Variants in DLG5 observed in about 807,000 individuals in gnomAD.
The protein encoded by DLG5 is disks large homolog 5.
A neutral mutation model predicts 189.8 loss-of-function variants in DLG5; 48 were observed. That is an observed-to-expected ratio of 0.25 (90% confidence interval 0.20 to 0.32). The LOEUF is 0.32. DLG5 is among the 10% of genes least tolerant of loss of function. DLG5 has a pLI of 1.00. For missense variants in DLG5, 2,160 were observed against 2,544.7 expected (o/e 0.85, Z 3.25); for synonymous variants, 1,016 against 1,054.1 (o/e 0.96, Z 0.70).
At chr10:77,858,906 G>A (rs1261662521) in intron 2 of DLG5, among the ~76,000 whole-genome samples, 2 of 151,984 alleles carry the variant, frequency 1.3e-5, no homozygotes, top group Non-Finnish European at 2.9e-5. Context: ...ACAGGGTCTT[G>A]TTGTCACCCA....
intron 20 of DLG5, chr10:77,816,130 G>A (rs769253701): frequency 1.9e-5 from 9 of 483,118 alleles, no homozygotes; most frequent in Non-Finnish European, 3.3e-5. Context: ...CACTAACCAC[G>A]TGGCCACAGG....
At chr10:77,888,770 T>C (rs1328334729) in intron 1 of DLG5, among the ~76,000 whole-genome samples, 1 of 152,220 alleles carries the variant, frequency 6.6e-6, no homozygotes, top group Non-Finnish European at 1.5e-5. Flanking sequence ...CCTCTCAAGC[T>C]TTATGCATTA....
intron 1 of DLG5, among the ~76,000 whole-genome samples, chr10:77,899,143 A>G (rs1369528890): frequency 6.6e-6 from 1 of 152,194 alleles, no homozygotes; most frequent in East Asian, 1.9e-4. Flanking sequence ...CATGTAACCT[A>G]TCTCCCTAGT....
chr10:77,840,524 C>T (rs1358348511), intron 7 of DLG5, among the ~76,000 whole-genome samples: 2 of 152,176 alleles, frequency 1.3e-5, no homozygotes, highest in African/African-American at 4.8e-5. Flanking sequence ...TCGAGACCAG[C>T]CTGGCCAACA....
At chr10:77,866,779 C>G (rs1156450076) in intron 2 of DLG5, 3 of 358,676 alleles carry the variant, frequency 8.4e-6, no homozygotes, top group African/African-American at 6.4e-5. Flanking sequence ...ACTGGCTGAC[C>G]TCAGCACAGC....
Position 77,806,787 on chromosome 10 carries a change from G to C in DLG5, c.4938C>G (p.Ile1646Met), listed in dbSNP as rs774256365. ...AWQLDENAQK[I>M]QRGQIPSKYV... Reference sequence around the variant, plus strand: ...ATTTGCTGGGAATCTGCCCGCGCTGGATCTTCTGGGCATTCTCGTCCAGCT... The same window carrying C: ...ATTTGCTGGGAATCTGCCCGCGCTGCATCTTCTGGGCATTCTCGTCCAGCT... The change falls in exon 26 of 32, where the codon ATC becomes ATG. Residue 1646 changes from isoleucine to methionine, a missense_variant. Around this residue, in one of 5 missense-constraint regions of DLG5, gnomAD observed 574 missense variants for 644.2 expected, o/e 0.89. Coordinates refer to ENST00000372391, the MANE Select transcript of DLG5 (RefSeq NM_004747.4). 6 of 1,613,550 alleles carry C rather than the reference G, an allele frequency of 3.7e-6. No individual in the cohort carries two copies. Among genetic ancestry groups the C allele is most frequent in the Middle Eastern group, 3.3e-4 (2 of 6,060 alleles).
chr10:77,823,530 CTTTTTTT>C (rs55870292), intron 14 of DLG5, among the ~76,000 whole-genome samples: 2 of 135,272 alleles, frequency 1.5e-5, no homozygotes, highest in Non-Finnish European at 1.6e-5. Flanking sequence ...ACTTCCCTTC[CTTTTTTT>C]TTTTTTTTTT....
At chr10:77,862,366 C>T (rs1251383481) in intron 2 of DLG5, among the ~76,000 whole-genome samples, 5 of 152,224 alleles carry the variant, frequency 3.3e-5, no homozygotes, top group Admixed American at 6.5e-5. Context: ...TGCAATAGAC[C>T]TGCAAGCATT....
chr10:77,813,791 T>C (rs1267304968), intron 20 of DLG5, among the ~76,000 whole-genome samples: 1 of 152,164 alleles, frequency 6.6e-6, no homozygotes, highest in Non-Finnish European at 1.5e-5. Context: ...CAGGTTCCAG[T>C]GACATGCAAA....
chr10:77,917,347 A>AAAAC (rs879667637), intron 1 of DLG5, among the ~76,000 whole-genome samples: 3 of 152,026 alleles, frequency 2.0e-5, no homozygotes, highest in Non-Finnish European at 2.9e-5. Flanking sequence ...ATCTCAAAAA[A>AAAAC]AAACAAACAA....
chr10:77,933,009 C>A, the DLG5 span, among the ~76,000 whole-genome samples: 1 of 152,184 alleles, frequency 6.6e-6, no homozygotes, highest in Non-Finnish European at 1.5e-5. Flanking sequence ...ACTGATGGCA[C>A]CAAGGCAAAT....
At chr10:77,842,328 A>C in intron 6 of DLG5, 135 bp from the exon 7 acceptor site, 2 of 1,075,684 alleles carry the variant, frequency 1.9e-6, no homozygotes, top group Non-Finnish European at 2.6e-6. Context: ...CACTCTCTCC[A>C]CCCCCAGGAG....
chr10:77,846,177 G>A (rs1035138286), intron 5 of DLG5, among the ~76,000 whole-genome samples: 8 of 151,924 alleles, frequency 5.3e-5, no homozygotes, highest in East Asian at 1.9e-4. Flanking sequence ...CCCAGGATGC[G>A]GAGGTGGCAG....
At position 77,926,201 on chromosome 10, in the gene DLG5, A is replaced by G. The variant is rs754233195; in HGVS notation, c.304+16T>C. 9 of 1,440,362 alleles carry G rather than the reference A, an allele frequency of 6.2e-6. No homozygotes were observed. Among genetic ancestry groups the G allele is most frequent in the Non-Finnish European group, 8.3e-6 (9 of 1,086,560 alleles). The allele number at this position is 1,440,362 out of a possible 1,614,324, so 89.2% of individuals were successfully genotyped here. ...GGGCGCGTCCCAGAGGCGGGGGCCAAGGGTCTGCCACTCACCCGCGCCTTC... is the reference window on the plus strand; with the variant it reads ...GGGCGCGTCCCAGAGGCGGGGGCCAGGGGTCTGCCACTCACCCGCGCCTTC... On this transcript the variant is annotated intron_variant, in intron 1 of 31. Transcript: ENST00000372391. The surrounding 1 kb of genome is among the most constrained non-coding windows in gnomAD (Gnocchi z 5.2).
intron 1 of DLG5, among the ~76,000 whole-genome samples, chr10:77,897,358 A>AAAAT (rs566516489): frequency 0.02 from 3,093 of 151,646 alleles, 86 homozygotes; most frequent in African/African-American, 0.061. Flanking sequence ...TCCATCTCCA[A>AAAAT]AAATAAATAA....
At chr10:77,814,627 T>C (rs1016552883) in intron 20 of DLG5, among the ~76,000 whole-genome samples, 1 of 151,686 alleles carries the variant, frequency 6.6e-6, no homozygotes, top group African/African-American at 2.4e-5. Flanking sequence ...CAGGCTGGAG[T>C]GCAGTGGCGC....
At chr10:77,913,183 A>C (rs913819010) in intron 1 of DLG5, among the ~76,000 whole-genome samples, 1 of 152,196 alleles carries the variant, frequency 6.6e-6, no homozygotes, top group Non-Finnish European at 1.5e-5. Flanking sequence ...ACCATGGCTA[A>C]ACAGTTTCAG....
intron 1 of DLG5, among the ~76,000 whole-genome samples, chr10:77,919,519 C>T (rs1048687743): frequency 2.0e-5 from 3 of 148,364 alleles, no homozygotes; most frequent in African/African-American, 7.4e-5. Context: ...AAACAAGCAC[C>T]AGGAAGCTAA....
chr10:77,830,105 T>G, intron 11 of DLG5, 112 bp downstream of exon 11: 20 of 1,364,250 alleles, frequency 1.5e-5, no homozygotes, highest in Non-Finnish European at 1.8e-5. Flanking sequence ...AGACTGTGTG[T>G]GAGTCTAAGG....
Sources: allele counts gnomAD v4.1 joint callset (sites outside exome capture counted in the v4.1 genomes callset), GRCh38; gene constraint gnomAD v4.1.1; regional missense constraint gnomAD v4.1.1; non-coding constraint Gnocchi (gnomAD v3.1); transcripts MANE v1.5; gene names NCBI Gene and HGNC (gene_info 2026-07-23, HGNC 2026-07-21).